The following MACROD2 variants were observed in gnomAD, a reference collection of about 807,000 sequenced individuals.
MACROD2 encodes the protein ADP-ribose glycohydrolase MACROD2.
Under a neutral mutation model 70.4 loss-of-function variants are expected in MACROD2, and 36 were observed. That is an observed-to-expected ratio of 0.51 (90% confidence interval 0.39 to 0.68). The LOEUF (loss-of-function observed/expected upper bound fraction) is 0.68. Ranked by LOEUF, MACROD2 falls within the 30% of genes least tolerant of loss-of-function variation. MACROD2 has a pLI of 0.00. For missense variants in MACROD2, 496 were observed against 538.4 expected (o/e 0.92, Z 0.78); for synonymous variants, 172 against 178.8 (o/e 0.96, Z 0.30).
At chr20:15,316,123 A>G (rs2077808052) in intron 6 of MACROD2, among the ~76,000 whole-genome samples, 1 of 151,550 alleles carries the variant, frequency 6.6e-6, no homozygotes, top group African/African-American at 2.4e-5. Flanking sequence ...AAGTCAGTTA[A>G]CCCCAAAAGA....
At chr20:15,226,298 T>C (rs1188968454) in intron 5 of MACROD2, among the ~76,000 whole-genome samples, 4 of 152,208 alleles carry the variant, frequency 2.6e-5, no homozygotes, top group Admixed American at 2.0e-4. Context: ...ATGGTAACTT[T>C]CTGTCATTCC....
intron 8 of MACROD2, among the ~76,000 whole-genome samples, chr20:15,824,406 C>T (rs185904711): frequency 1.3e-5 from 2 of 152,212 alleles, no homozygotes; most frequent in East Asian, 3.9e-4. Context: ...AGTCTATAGG[C>T]TCTTGTAGAG....
intron 3 of MACROD2, among the ~76,000 whole-genome samples, chr20:14,428,872 G>A (rs1256352096): frequency 6.6e-6 from 1 of 152,130 alleles, no homozygotes; most frequent in Non-Finnish European, 1.5e-5. Context: ...TGAGTCTATA[G>A]GGAGCTTTGC....
intron 5 of MACROD2, among the ~76,000 whole-genome samples, chr20:14,891,569 A>G (rs1172782430): frequency 6.6e-6 from 1 of 152,154 alleles, no homozygotes; most frequent in Non-Finnish European, 1.5e-5. Context: ...TGCAATAAAT[A>G]TGTGTTGGTT....
At chr20:15,670,037 G>A (rs10485533) in intron 8 of MACROD2, among the ~76,000 whole-genome samples, 6,069 of 152,150 alleles carry the variant, frequency 0.04, 251 homozygotes, top group East Asian at 0.2. Flanking sequence ...ACTTACCTAT[G>A]GTCACCCTGT....
intron 10 of MACROD2, among the ~76,000 whole-genome samples, chr20:15,886,891 T>A (rs1426140066): frequency 2.0e-5 from 3 of 152,108 alleles, no homozygotes; most frequent in Non-Finnish European, 4.4e-5. Context: ...ATAGTAAAGA[T>A]TCAGTAAATT....
chr20:15,633,699 G>A (rs894495979), intron 8 of MACROD2, among the ~76,000 whole-genome samples: 3 of 152,072 alleles, frequency 2.0e-5, no homozygotes, highest in African/African-American at 7.2e-5. Flanking sequence ...TCACCAGCCT[G>A]TAATTTTCTG....
chr20:14,506,527 TA>T (rs940559836), intron 4 of MACROD2, among the ~76,000 whole-genome samples: 40 of 151,072 alleles, frequency 2.6e-4, no homozygotes, highest in Middle Eastern at 3.4e-3. Context: ...AAAGCAAGAA[TA>T]AAAAAAAATC....
chr20:15,336,387 G>GA (rs11087130), intron 6 of MACROD2, among the ~76,000 whole-genome samples: 51,598 of 144,992 alleles, frequency 0.36, 9,535 homozygotes, highest in East Asian at 0.61. Flanking sequence ...AAAAAAAAAA[G>GA]AAAAAAAAAG....
chr20:14,699,980 TTAAAGTTTAAAGTTTAAATCTAGAA>T (rs2071174647), intron 5 of MACROD2, among the ~76,000 whole-genome samples: 1 of 98,970 alleles, frequency 1.0e-5, no homozygotes, highest in African/African-American at 3.4e-5. Flanking sequence ...ATCTAGAAGT[TTAAAGTTTAAAGTTTAAATCTAGAA>T]GTTTAAAGTT....
intron 8 of MACROD2, among the ~76,000 whole-genome samples, chr20:15,857,725 A>G (rs2064373118): frequency 3.9e-5 from 6 of 152,196 alleles, no homozygotes; most frequent in Admixed American, 3.9e-4. Context: ...AACTTTTGAC[A>G]TAGACTGTAA....
intron 5 of MACROD2, among the ~76,000 whole-genome samples, chr20:14,738,445 T>TA (rs2071693864): frequency 6.6e-6 from 1 of 152,018 alleles, no homozygotes; most frequent in African/African-American, 2.4e-5. Flanking sequence ...CCAAAAAAGG[T>TA]AAAATGAAAA....
chr20:14,549,533 A>G (rs1329337521), intron 4 of MACROD2, among the ~76,000 whole-genome samples: 3 of 152,022 alleles, frequency 2.0e-5, no homozygotes, highest in Non-Finnish European at 4.4e-5. Context: ...AGTAATTTTT[A>G]TGTGATTTCT....
At chr20:14,368,872 A>C (rs1311579541) in intron 3 of MACROD2, among the ~76,000 whole-genome samples, 1 of 152,242 alleles carries the variant, frequency 6.6e-6, no homozygotes, top group East Asian at 1.9e-4. Context: ...CCTAATGTTT[A>C]CAGATTGGAT....
At chr20:14,135,686 A>G (rs902223710) in intron 3 of MACROD2, among the ~76,000 whole-genome samples, 4 of 152,174 alleles carry the variant, frequency 2.6e-5, no homozygotes, top group African/African-American at 9.7e-5. Flanking sequence ...TAAAAAAAGA[A>G]AAACCATATA....
chr20:15,885,875 T>A, intron 10 of MACROD2, 64 bp downstream of exon 10: 1 of 1,400,302 alleles, frequency 7.1e-7, no homozygotes, highest in Non-Finnish European at 9.5e-7. Context: ...TTATGTACAC[T>A]TCATATTTTT....
intron 5 of MACROD2, among the ~76,000 whole-genome samples, chr20:14,739,718 A>G (rs1166287648): frequency 2.0e-5 from 3 of 152,092 alleles, no homozygotes; most frequent in Non-Finnish European, 4.4e-5. Flanking sequence ...ATGTACACAA[A>G]TACTTATTGG....
chr20:14,119,230 C>T (rs111883835), intron 3 of MACROD2, among the ~76,000 whole-genome samples: 25 of 130,824 alleles, frequency 1.9e-4, no homozygotes, highest in Non-Finnish European at 2.8e-4. Flanking sequence ...TTCAGTAATG[C>T]GATCTTGGCT....
chr20:14,325,879 G>T, intron 3 of MACROD2: 1 of 1,613,936 alleles, frequency 6.2e-7, no homozygotes. Flanking sequence ...AGCAAGAAGG[G>T]CAATGGTAAC....
Sources: allele counts gnomAD v4.1 joint callset (sites outside exome capture counted in the v4.1 genomes callset), GRCh38; gene constraint gnomAD v4.1.1; transcripts MANE v1.5; gene names NCBI Gene and HGNC (gene_info 2026-07-23, HGNC 2026-07-21).